The following MAML2 variants were observed in gnomAD, a reference collection of about 807,000 sequenced individuals.
MAML2 encodes mastermind-like protein 2.
MAML2 carries 22 observed loss-of-function variants against 96.1 expected under a neutral mutation model. The observed-to-expected ratio is 0.23, with a 90% CI of 0.16 to 0.33. The LOEUF (loss-of-function observed/expected upper bound fraction) is 0.33. Ranked by LOEUF, MAML2 falls within the 10% of genes least tolerant of loss-of-function variation. MAML2 has a pLI of 1.00. For missense variants in MAML2, 1,367 were observed against 1,392.4 expected, an observed-to-expected ratio of 0.98 and a Z score of 0.29; for synonymous variants, 561 against 521.3, an observed-to-expected ratio of 1.08 and a Z score of -1.04.
chr11:95,997,462 T>A (rs977805031), intron 2 of MAML2, among the ~76,000 whole-genome samples: 1 of 152,198 alleles, frequency 6.6e-6, no homozygotes, highest in Non-Finnish European at 1.5e-5. Flanking sequence ...GTATTCTTTT[T>A]ATAAGGTTCA....
intron 4 of MAML2, among the ~76,000 whole-genome samples, chr11:95,983,243 T>C (rs898587494): frequency 5.9e-5 from 9 of 151,800 alleles, no homozygotes; most frequent in Admixed American, 5.2e-4. Context: ...TGTGTGTTTG[T>C]GTGTGTTTGT....
At chr11:96,187,243 A>T (rs2135917285) in intron 1 of MAML2, among the ~76,000 whole-genome samples, 1 of 152,338 alleles carries the variant, frequency 6.6e-6, no homozygotes, top group East Asian at 1.9e-4. Flanking sequence ...CACATAGCAG[A>T]TGATTAATAA....
At chr11:96,175,602 T>G (rs10831493) in intron 1 of MAML2, among the ~76,000 whole-genome samples, 24,258 of 152,088 alleles carry the variant, frequency 0.16, 2,270 homozygotes, top group East Asian at 0.4. Context: ...GTTTTGTTTT[T>G]TTTTAGATGG....
chr11:96,046,363 C>G (rs1205296421), intron 2 of MAML2, among the ~76,000 whole-genome samples: 1 of 150,764 alleles, frequency 6.6e-6, no homozygotes, highest in Non-Finnish European at 1.5e-5. Flanking sequence ...TTTTTTTTTT[C>G]TTTTAAGAAC....
At chr11:95,981,051 T>A (rs1181743127) in intron 4 of MAML2, among the ~76,000 whole-genome samples, 1 of 152,224 alleles carries the variant, frequency 6.6e-6, no homozygotes, top group Non-Finnish European at 1.5e-5. Context: ...TGGCCTCTCC[T>A]GTTCCTGTGT....
chr11:96,315,995 C>A (rs1863627141), intron 1 of MAML2, among the ~76,000 whole-genome samples: 1 of 152,214 alleles, frequency 6.6e-6, no homozygotes, highest in African/African-American at 2.4e-5. Flanking sequence ...TGCCATCATT[C>A]AGCAATATGT....
chr11:96,119,958 A>ACTT (rs1860307150), intron 1 of MAML2, among the ~76,000 whole-genome samples: 1 of 135,890 alleles, frequency 7.4e-6, no homozygotes, highest in Admixed American at 7.5e-5. Context: ...GAAGATTCAG[A>ACTT]TTTTTTTTTT....
At chr11:96,332,037 G>A (rs1426066403) in intron 1 of MAML2, among the ~76,000 whole-genome samples, 1 of 152,182 alleles carries the variant, frequency 6.6e-6, no homozygotes, top group Non-Finnish European at 1.5e-5. Context: ...ATTGCTGTGG[G>A]TGCAGAATTT....
chr11:95,981,240 G>C (rs59152340), intron 4 of MAML2, among the ~76,000 whole-genome samples: 6,479 of 152,276 alleles, frequency 0.043, 167 homozygotes, highest in Middle Eastern at 0.071. Flanking sequence ...CTGAACTAAG[G>C]AGAAAGTTCT....
intron 2 of MAML2, among the ~76,000 whole-genome samples, chr11:96,010,804 T>C (rs1858254941): frequency 6.6e-6 from 1 of 152,218 alleles, no homozygotes; most frequent in Admixed American, 6.5e-5. Context: ...AGAATATCAC[T>C]AACAGTTTTA....
At chr11:96,162,176 CTT>C (rs36006515) in intron 1 of MAML2, among the ~76,000 whole-genome samples, 2,966 of 105,822 alleles carry the variant, frequency 0.028, 71 homozygotes, top group African/African-American at 0.092. Flanking sequence ...ATCAATCTAA[CTT>C]TTTTTTTTTT....
At chr11:95,994,517 G>A (rs1857961592) in intron 2 of MAML2, among the ~76,000 whole-genome samples, 1 of 152,092 alleles carries the variant, frequency 6.6e-6, no homozygotes, top group South Asian at 2.1e-4. Flanking sequence ...TGGAGGATTG[G>A]GGGCTGGGCC....
chr11:96,301,686 A>C (rs1189665012), intron 1 of MAML2, among the ~76,000 whole-genome samples: 1 of 152,250 alleles, frequency 6.6e-6, no homozygotes, highest in Non-Finnish European at 1.5e-5. Flanking sequence ...TTAATTTAAA[A>C]TATATATGCC....
intron 1 of MAML2, among the ~76,000 whole-genome samples, chr11:96,213,722 T>C (rs1591076292): frequency 1.3e-5 from 2 of 152,322 alleles, no homozygotes; most frequent in East Asian, 3.9e-4. Flanking sequence ...AGGTTTTAAG[T>C]TCCCCACCAT....
rs566630680 is a variant in MAML2 at position 96,263,833 on chromosome 11, T to C, written c.513+77550A>G. Among the ~76,000 whole-genome samples, 30 of 152,366 alleles carry C rather than the reference T, an allele frequency of 2.0e-4. 1 individual carries two copies. In the South Asian group the frequency reaches 6.0e-3, roughly 30 times the overall value. On this transcript the variant is annotated intron_variant, in intron 1 of 4. Transcript: ENST00000524717. ...ATTGGAGTCAAGAGACCCAAATGTA[T>C]GTTTCCCAATCCTTATTTATTATTT...
intron 1 of MAML2, among the ~76,000 whole-genome samples, chr11:96,265,744 C>T (rs1031078209): frequency 4.6e-5 from 7 of 152,196 alleles, no homozygotes; most frequent in Admixed American, 2.6e-4. Context: ...AGGCCACTGA[C>T]GGGCAAAACA....
chr11:96,237,654 C>A (rs1285709581), intron 1 of MAML2, among the ~76,000 whole-genome samples: 2 of 152,218 alleles, frequency 1.3e-5, no homozygotes, highest in Non-Finnish European at 2.9e-5. Flanking sequence ...GTGTCACAGG[C>A]AACTGCAGAC....
intron 1 of MAML2, among the ~76,000 whole-genome samples, chr11:96,319,321 G>A (rs2136009792): frequency 6.6e-6 from 1 of 152,302 alleles, no homozygotes; most frequent in Non-Finnish European, 1.5e-5. Flanking sequence ...TCCTGAGCTA[G>A]TACCACCCAA....
intron 1 of MAML2, among the ~76,000 whole-genome samples, chr11:96,209,326 A>G (rs1861935563): frequency 6.6e-6 from 1 of 152,044 alleles, no homozygotes; most frequent in African/African-American, 2.4e-5. Flanking sequence ...CTACTTATGC[A>G]TTGGACTCTA....
Sources: gnomAD v4.1 joint callset for allele counts (sites outside exome capture counted in the v4.1 genomes callset) on GRCh38, gnomAD v4.1.1 for gene constraint, MANE v1.5 for transcripts, NCBI Gene and HGNC (gene_info 2026-07-23, HGNC 2026-07-21) for gene names.